The following COL12A1 variants were observed in gnomAD, a reference collection of about 807,000 sequenced individuals.
The protein encoded by COL12A1 is collagen alpha-1(XII) chain.
COL12A1 carries 114 observed loss-of-function variants against 349.7 expected under a neutral mutation model. The observed-to-expected ratio is 0.33, with a 90% CI of 0.28 to 0.38. COL12A1 has a LOEUF of 0.38. COL12A1 is among the 10% of genes least tolerant of loss of function. The pLI, the probability that COL12A1 is intolerant of heterozygous loss-of-function variation, is 1.00. For missense variants in COL12A1, 3,284 were observed against 3,756.9 expected, an observed-to-expected ratio of 0.87 and a Z score of 3.29; for synonymous variants, 1,369 against 1,329.0, an observed-to-expected ratio of 1.03 and a Z score of -0.66.
chr6:75,176,997 A>T (rs953947075), intron 12 of COL12A1, among the ~76,000 whole-genome samples: 1 of 152,248 alleles, frequency 6.6e-6, no homozygotes. Context: ...ATGTTTAAAA[A>T]TCTTTCTTAA....
intron 31 of COL12A1, among the ~76,000 whole-genome samples, chr6:75,136,311 T>G (rs9443158): frequency 0.052 from 7,918 of 152,274 alleles, 510 homozygotes; most frequent in African/African-American, 0.15. Context: ...GTTTATTAAT[T>G]ATAATCTATT....
chr6:75,169,380 A>C lies in COL12A1; in HGVS notation c.2711-3601T>G, dbSNP rs1364770670. Reference sequence around the variant, plus strand: ...ATGCCAGAAGACCAGTCTGTAGGCTATCTCTAGGAGAGGTTACTGCTCCTC... The same window carrying C: ...ATGCCAGAAGACCAGTCTGTAGGCTCTCTCTAGGAGAGGTTACTGCTCCTC... On this transcript the variant is annotated intron_variant, in intron 13 of 65. Coordinates refer to ENST00000322507, the MANE Select transcript of COL12A1 (RefSeq NM_004370.6). Among the ~76,000 whole-genome samples, 3 of 152,312 alleles carry C rather than the reference A, an allele frequency of 2.0e-5. No homozygotes were observed. The South Asian group carries it at 6.2e-4, about 32-fold the overall frequency.
At chr6:75,191,813 C>T (rs1304221230) in intron 4 of COL12A1, 53 bp from the exon 5 acceptor site, 4 of 1,178,452 alleles carry the variant, frequency 3.4e-6, no homozygotes, top group Middle Eastern at 2.3e-4. Context: ...CAGATATTCT[C>T]TTTAAAATAG....
At chr6:75,116,166 T>C in intron 47 of COL12A1, 109 bp from the exon 48 acceptor site, 1 of 1,041,030 alleles carries the variant, frequency 9.6e-7, no homozygotes, top group Non-Finnish European at 1.4e-6. Flanking sequence ...ACATTGTTCA[T>C]TTATTAAAAT....
intron 13 of COL12A1, among the ~76,000 whole-genome samples, chr6:75,171,709 C>CCACT (rs1250091123): frequency 6.6e-6 from 1 of 152,174 alleles, no homozygotes; most frequent in Non-Finnish European, 1.5e-5. Flanking sequence ...TCTGGGCTTT[C>CCACT]CACTCCCTGC....
Position 75,156,566 on chromosome 6 carries a change from A to T in COL12A1, c.2984-43T>A, listed in dbSNP as rs564743502. 123 of 1,577,030 alleles carry T rather than the reference A, an allele frequency of 7.8e-5. 1 individual carries two copies. In the South Asian group the frequency reaches 1.3e-3, roughly 16 times the overall value. Reference sequence around the variant, plus strand: ...GATTAAACTGTATACCATGTTGAAAAAAAATGTATGTCCACCTCTTCATTT... The same window carrying T: ...GATTAAACTGTATACCATGTTGAAATAAAATGTATGTCCACCTCTTCATTT... On this transcript the variant is annotated intron_variant, in intron 14 of 65. Coordinates refer to ENST00000322507, the MANE Select transcript of COL12A1 (RefSeq NM_004370.6).
intron 52 of COL12A1, 84 bp from the exon 53 acceptor site, chr6:75,106,580 T>G: frequency 1.8e-6 from 2 of 1,112,920 alleles, no homozygotes; most frequent in Non-Finnish European, 2.7e-6. Context: ...CATTGCCAAC[T>G]TCTCACACAT....
Position 75,147,796 on chromosome 6 carries a change from C to G in COL12A1, c.4296G>C (p.Val1432=). 19 of 1,612,246 alleles carry G rather than the reference C, an allele frequency of 1.2e-5. No homozygotes were observed. The highest frequency in any genetic ancestry group is 1.6e-5 in the Non-Finnish European group (19 of 1,179,266). Residue 1432 remains valine, a synonymous_variant, in exon 23 of 66, where the codon GTG becomes GTC. Coordinates refer to ENST00000322507, the MANE Select transcript of COL12A1 (RefSeq NM_004370.6). ...GCACTGTGCTAGTTTCCATTCGACT[C>G]ACATAAAACTAGGGGGAAAAATTAA... is the stretch of plus-strand genomic sequence containing the variant. ...VSGGKRQEFY[V]SRMETSTVLK... is the part of the protein sequence containing the mutation.
chr6:75,130,718 G>C, intron 36 of COL12A1, 134 bp downstream of exon 36: 1 of 1,143,842 alleles, frequency 8.7e-7, no homozygotes, highest in South Asian at 1.6e-5. Context: ...GTTTTCGCCT[G>C]GAATGTAAAT....
At chr6:75,188,332 C>A in intron 8 of COL12A1, 30 bp downstream of exon 8, 1 of 1,583,478 alleles carries the variant, frequency 6.3e-7, no homozygotes, top group South Asian at 1.2e-5. Context: ...AAAAGACTAA[C>A]ACATGGGGAA....
At chr6:75,186,113 A>G (rs1769602965) in intron 8 of COL12A1, among the ~76,000 whole-genome samples, 1 of 152,248 alleles carries the variant, frequency 6.6e-6, no homozygotes, top group Non-Finnish European at 1.5e-5. Flanking sequence ...AAAAATTGAC[A>G]AATGGGATCT....
intron 13 of COL12A1, among the ~76,000 whole-genome samples, chr6:75,166,180 T>G (rs1416083691): frequency 1.3e-5 from 2 of 152,196 alleles, no homozygotes; most frequent in African/African-American, 4.8e-5. Flanking sequence ...GATCTTTATT[T>G]CCTTACCATG....
rs975477987 is a variant in COL12A1, at chr6:75,183,033, T to C, written c.1891+17A>G. 1.8e-5 allele frequency: 28 copies of C among 1,561,356 alleles called. No homozygotes were observed. Among genetic ancestry groups the C allele is most frequent in the Non-Finnish European group, 2.2e-5 (26 of 1,158,006 alleles). On this transcript the variant is annotated intron_variant, in intron 10 of 65. Transcript: ENST00000322507. ...TTGTTCATGAAGAAATAACTTTTACTCTCAAAGTCTACTAACCTTTCTTCT... is the reference window on the plus strand; with the variant it reads ...TTGTTCATGAAGAAATAACTTTTACCCTCAAAGTCTACTAACCTTTCTTCT...
At chr6:75,130,473 G>A (rs1175997175) in intron 36 of COL12A1, among the ~76,000 whole-genome samples, 3 of 151,994 alleles carry the variant, frequency 2.0e-5, no homozygotes, top group Admixed American at 6.6e-5. Context: ...GGAAAAAGGG[G>A]GATTATTTTA....
At chr6:75,165,396 C>T (rs1768239091) in intron 14 of COL12A1, 111 bp downstream of exon 14, 1 of 1,382,978 alleles carries the variant, frequency 7.2e-7, no homozygotes, top group African/African-American at 1.4e-5. Context: ...CCTCAGTCTT[C>T]ATTTATCATG....
At chr6:75,138,730 T>A (rs1766749604) in intron 28 of COL12A1, 92 bp downstream of exon 28, 6 of 1,574,186 alleles carry the variant, frequency 3.8e-6, no homozygotes, top group Non-Finnish European at 5.2e-6. Context: ...AAATGCTTAT[T>A]GACAACAAGA....
At chr6:75,128,919 G>A (rs1766157872) in intron 37 of COL12A1, among the ~76,000 whole-genome samples, 1 of 152,196 alleles carries the variant, frequency 6.6e-6, no homozygotes, top group African/African-American at 2.4e-5. Flanking sequence ...CAGTTTGGCT[G>A]ACACTAGTTA....
rs769613760 is a variant in COL12A1, at chr6:75,130,115, A to T, written c.6186T>A (p.Thr2062=). Residue 2062 remains threonine, a synonymous_variant, in exon 37 of 66, where the codon ACT becomes ACA. Transcript: ENST00000322507. ...VQQYRIIYSP[T]VGDPIDEYTT... ...CATATTCATCAATTGGATCACCAAC[A>T]GTGGGAGAATAGATGATCCTGTACT... 9 of 1,613,826 alleles carry T rather than the reference A, an allele frequency of 5.6e-6. No homozygotes were observed. The highest frequency in any genetic ancestry group is 8.5e-7 in the Non-Finnish European group (1 of 1,179,948).
Position 75,154,528 on chromosome 6 carries a change from G to T in COL12A1, c.3453C>A (p.Thr1151=), listed in dbSNP as rs761059583. The stretch of plus-strand genomic sequence containing the variant: ...TTCCAAAAACATTTACTTTATAGGT[G>T]GTACCAGCCCTAAAATGTTAAAGTA... ...TVVLEELRAG[T]TYKVNVFGMF... The change falls in exon 17 of 66, where the codon ACC becomes ACA. Residue 1151 remains threonine (T), a synonymous_variant. Coordinates refer to ENST00000322507, the MANE Select transcript of COL12A1 (RefSeq NM_004370.6). 10 of 1,608,840 alleles carry T rather than the reference G, an allele frequency of 6.2e-6. No homozygotes were observed. Among genetic ancestry groups the T allele is most frequent in the Admixed American group, 3.4e-5 (2 of 59,644 alleles).
Sources: allele counts gnomAD v4.1 joint callset (sites outside exome capture counted in the v4.1 genomes callset), GRCh38; gene constraint gnomAD v4.1.1; transcripts MANE v1.5; gene names NCBI Gene and HGNC (gene_info 2026-07-23, HGNC 2026-07-21).